The following RFX8 variants were observed in gnomAD, a reference collection of about 807,000 sequenced individuals.
RFX8 encodes the protein DNA-binding protein RFX8.
Under a neutral mutation model 54.6 loss-of-function variants are expected in RFX8, and 46 were observed. The observed-to-expected ratio is 0.84, with a 90% confidence interval of 0.67 to 1.08. The LOEUF (loss-of-function observed/expected upper bound fraction) is 1.08. Ranked by LOEUF, RFX8 falls within the 50% of genes least tolerant of loss-of-function variation. The pLI is 0.00. For missense variants in RFX8, 536 were observed against 562.3 expected, an observed-to-expected ratio of 0.95 and a Z score of 0.47; for synonymous variants, 192 against 209.5, an observed-to-expected ratio of 0.92 and a Z score of 0.72.
rs1253558883 is a variant in RFX8, at chr2:101,410,559, G to A, written c.813+60C>T. ...CTCTTTCCCATCCCTTAGGCAATGG[G>A]CACTCATTTATCTAGAATGGTCAAC... On this transcript the variant is annotated intron_variant, in intron 9 of 11. Transcript: ENST00000428343. 4 of 831,238 alleles carry A rather than the reference G, an allele frequency of 4.8e-6. No individual in the cohort carries two copies. The East Asian group carries it at 8.1e-5, about 17-fold the overall frequency. 51.5% of individuals were successfully genotyped at this position (831,238 alleles called of 1,614,324 possible). A position where few individuals can be genotyped will look rare whatever the true frequency, so the allele number is the denominator to read the frequency against.
chr2:101,466,754 G>A (rs759594058), intron 2 of RFX8, 23 bp downstream of exon 2: 17 of 1,517,030 alleles, frequency 1.1e-5, no homozygotes, highest in South Asian at 7.2e-5. Context: ...TGAATAGAGC[G>A]TTCTTAATCT....
Position 101,397,723 on chromosome 2 carries a change from A to G in RFX8, c.1247T>C (p.Leu416Pro). 6.5e-7 allele frequency: 1 copy of G among 1,545,692 alleles called. No individual in the cohort carries two copies. Among genetic ancestry groups the G allele is most frequent in the Non-Finnish European group, 8.7e-7 (1 of 1,145,124 alleles). The change falls in exon 12 of 12, where the codon CTC (leucine) becomes CCC (proline). Residue 416 changes from leucine (L) to proline (P), a missense_variant and splice_region_variant. Transcript: ENST00000428343. Reference sequence around the variant, plus strand: ...TTCATCTTCCAACAGCACCTGGATGAGCTGCAAGAGGGAAATGTTTTAAGG... The same window carrying G: ...TTCATCTTCCAACAGCACCTGGATGGGCTGCAAGAGGGAAATGTTTTAAGG... Reference protein sequence around the residue: ...FLVDTAMGNKLIQVLLEDETT... With the variant: ...FLVDTAMGNKPIQVLLEDETT...
intron 2 of RFX8, among the ~76,000 whole-genome samples, chr2:101,461,262 CAAAAAAA>C (rs11350961): frequency 1.1e-5 from 1 of 89,910 alleles, no homozygotes; most frequent in African/African-American, 4.2e-5. Flanking sequence ...GACTCCATCT[CAAAAAAA>C]AAAAAAAAAA....
Position 101,466,772 on chromosome 2 carries a change from C to T in RFX8, c.72+5G>A. 2 of 1,548,648 alleles carry T rather than the reference C, an allele frequency of 1.3e-6. No homozygotes were observed. Among genetic ancestry groups the T allele is most frequent in the Non-Finnish European group, 8.7e-7 (1 of 1,144,204 alleles). ...ATAGAGCGTTCTTAATCTTCAACAA[C>T]TTACCTTCCCAAAGGTGGCCGGGTT... On this transcript the variant is annotated splice_donor_5th_base_variant and intron_variant, in intron 2 of 11. Transcript: ENST00000428343.
chr2:101,427,034 T>G (rs1301579519), intron 2 of RFX8, among the ~76,000 whole-genome samples: 1 of 152,180 alleles, frequency 6.6e-6, no homozygotes, highest in Non-Finnish European at 1.5e-5. Flanking sequence ...CCCCAGCATA[T>G]GCACGCTGGG....
chr2:101,413,172 G>T, intron 7 of RFX8, 101 bp from the exon 8 acceptor site: 1 of 897,140 alleles, frequency 1.1e-6, no homozygotes, highest in Non-Finnish European at 1.7e-6. Flanking sequence ...GGGGGAGAAA[G>T]AAACATTGAT....
intron 1 of RFX8, among the ~76,000 whole-genome samples, chr2:101,470,942 A>G (rs1247977614): frequency 2.0e-5 from 3 of 149,468 alleles, no homozygotes; most frequent in Non-Finnish European, 4.5e-5. Flanking sequence ...GATGGTCTTG[A>G]TCTCCTGACC....
intron 2 of RFX8, among the ~76,000 whole-genome samples, chr2:101,431,088 T>A (rs1042303164): frequency 6.6e-6 from 1 of 152,132 alleles, no homozygotes; most frequent in African/African-American, 2.4e-5. Context: ...ATGAATACAC[T>A]GAGCTCCATC....
At chr2:101,421,850 T>G in intron 3 of RFX8, 73 bp from the exon 4 acceptor site, 3 of 1,167,676 alleles carry the variant, frequency 2.6e-6, no homozygotes, top group Non-Finnish European at 3.7e-6. Context: ...CAGACTTTTC[T>G]GAAGCTCTCA....
intron 2 of RFX8, among the ~76,000 whole-genome samples, chr2:101,435,707 G>A (rs995257088): frequency 7.2e-5 from 11 of 152,102 alleles, no homozygotes; most frequent in African/African-American, 2.7e-4. Flanking sequence ...CAACTAAACG[G>A]GATTGGAATC....
intron 11 of RFX8, 81 bp downstream of exon 11, chr2:101,402,355 G>A: frequency 8.5e-7 from 1 of 1,172,158 alleles, no homozygotes; most frequent in Non-Finnish European, 1.2e-6. Flanking sequence ...TGGACAAAGT[G>A]ATCTTGAGGG....
intron 2 of RFX8, among the ~76,000 whole-genome samples, chr2:101,437,793 C>T (rs73943475): frequency 6.6e-6 from 1 of 151,866 alleles, no homozygotes; most frequent in South Asian, 2.1e-4. Flanking sequence ...TACTTAAATT[C>T]CCCAAGTTTT....
At chr2:101,411,626 A>G (rs535351682) in intron 8 of RFX8, among the ~76,000 whole-genome samples, 1 of 152,238 alleles carries the variant, frequency 6.6e-6, no homozygotes, top group East Asian at 1.9e-4. Context: ...CTGCAGAATT[A>G]CTAATCAGAA....
chr2:101,454,676 T>C (rs1018378188), intron 2 of RFX8, among the ~76,000 whole-genome samples: 1 of 152,246 alleles, frequency 6.6e-6, no homozygotes, highest in Non-Finnish European at 1.5e-5. Context: ...CATGTGTCTG[T>C]TGGCTGCATA....
At chr2:101,457,418 T>C (rs1689033650) in intron 2 of RFX8, among the ~76,000 whole-genome samples, 1 of 152,218 alleles carries the variant, frequency 6.6e-6, no homozygotes, top group Non-Finnish European at 1.5e-5. Flanking sequence ...TTTGTTCTCA[T>C]TGGTTTCAAA....
rs1293534625 is a variant in RFX8, at chr2:101,414,855, T to A, written c.560A>T (p.Lys187Met). 1 of 1,549,944 alleles carries A rather than the reference T, an allele frequency of 6.5e-7. No homozygotes were observed. Among genetic ancestry groups the A allele is most frequent in the Non-Finnish European group, 8.7e-7 (1 of 1,145,856 alleles). ...RRKTYLSNMA[K>M]TMRMVLKSKR... Reference sequence around the variant, plus strand: ...CCTATCTGCTTGGCTGAAGCCTACCTTAGCCATGTTGGAAAGGTACGTCTT... The same window carrying A: ...CCTATCTGCTTGGCTGAAGCCTACCATAGCCATGTTGGAAAGGTACGTCTT... Residue 187 changes from lysine to methionine, a missense_variant and splice_region_variant, in exon 7 of 12, where the codon AAG becomes ATG. Transcript: ENST00000428343.
intron 11 of RFX8, among the ~76,000 whole-genome samples, chr2:101,401,681 T>A (rs1197843658): frequency 6.6e-6 from 1 of 152,186 alleles, no homozygotes; most frequent in Non-Finnish European, 1.5e-5. Context: ...CCTCCATCAG[T>A]CCAGCTCTGC....
chr2:101,448,016 C>T (rs921815604), intron 2 of RFX8, among the ~76,000 whole-genome samples: 4 of 152,168 alleles, frequency 2.6e-5, no homozygotes, highest in Admixed American at 6.5e-5. Context: ...GCAGAAGAGA[C>T]GAAAGGGCCA....
intron 10 of RFX8, among the ~76,000 whole-genome samples, chr2:101,405,682 A>G (rs1685687276): frequency 1.3e-5 from 2 of 152,178 alleles, no homozygotes. Context: ...CAAAGCTCAT[A>G]ATTCAAGAAC....
Sources: allele counts gnomAD v4.1 joint callset (sites outside exome capture counted in the v4.1 genomes callset), GRCh38; gene constraint gnomAD v4.1.1; transcripts MANE v1.5; gene names NCBI Gene and HGNC (gene_info 2026-07-23, HGNC 2026-07-21).